Variants in GULP1 observed in about 807,000 individuals in gnomAD.
GULP1 encodes the protein PTB domain-containing engulfment adapter protein 1.
A neutral mutation model predicts 40.9 loss-of-function variants in GULP1; 19 were observed. The observed-to-expected ratio is 0.46, with a 90% confidence interval of 0.32 to 0.68. GULP1 has a LOEUF of 0.68. Ranked by LOEUF, GULP1 falls within the 30% of genes least tolerant of loss-of-function variation. The pLI is 0.03. For synonymous variants in GULP1, 119 were observed against 117.6 expected, an observed-to-expected ratio of 1.01 and a Z score of -0.08; for missense variants, 312 against 362.2, an observed-to-expected ratio of 0.86 and a Z score of 1.12.
rs140444153 is a variant in GULP1 at position 188,437,130 on chromosome 2, T to G, written c.-44-40529T>G. ...TTTCATATTATATGCTAATATCTGTTTACTGATAGGATGAATATCTTGCAG... is the reference window on the plus strand; with the variant it reads ...TTTCATATTATATGCTAATATCTGTGTACTGATAGGATGAATATCTTGCAG... On this transcript the variant is annotated intron_variant, in intron 2 of 11. Transcript: ENST00000409830. 2.3e-3 allele frequency among the ~76,000 whole-genome samples: 343 copies of G among 152,242 alleles called. 1 individual carries two copies. Among genetic ancestry groups the G allele is most frequent in the African/African-American group, 7.8e-3 (323 of 41,570 alleles).
At chr2:188,464,416 C>G (rs1224511160) in intron 2 of GULP1, among the ~76,000 whole-genome samples, 1 of 152,172 alleles carries the variant, frequency 6.6e-6, no homozygotes, top group Non-Finnish European at 1.5e-5. Flanking sequence ...GCACATCACC[C>G]CTGTAGGCAC....
At chr2:188,377,735 G>A (rs1181135378) in intron 1 of GULP1, among the ~76,000 whole-genome samples, 1 of 152,126 alleles carries the variant, frequency 6.6e-6, no homozygotes, top group Non-Finnish European at 1.5e-5. Context: ...AAAAAATTGT[G>A]CAGAAAGCTA....
chr2:188,395,251 G>C (rs1441722880), intron 2 of GULP1, among the ~76,000 whole-genome samples: 2 of 152,166 alleles, frequency 1.3e-5, no homozygotes, highest in African/African-American at 4.8e-5. Flanking sequence ...CAGTATTTTG[G>C]CTATTCAGAT....
chr2:188,483,380 A>G, intron 3 of GULP1, 51 bp from the exon 4 acceptor site: 1 of 852,042 alleles, frequency 1.2e-6, no homozygotes, highest in Non-Finnish European at 2.0e-6. Flanking sequence ...TAATGCGTGA[A>G]TATGACACCA....
intron 1 of GULP1, among the ~76,000 whole-genome samples, chr2:188,338,627 G>A (rs1397328945): frequency 6.6e-6 from 1 of 151,982 alleles, no homozygotes; most frequent in South Asian, 2.1e-4. Flanking sequence ...TTTGATGTCT[G>A]TTTAGTAATA....
chr2:188,399,553 T>C (rs1575004152), intron 2 of GULP1, among the ~76,000 whole-genome samples: 1 of 152,134 alleles, frequency 6.6e-6, no homozygotes, highest in East Asian at 1.9e-4. Context: ...TCATAAGTGT[T>C]ATTTAAAGCC....
intron 2 of GULP1, among the ~76,000 whole-genome samples, chr2:188,387,726 G>T (rs74435944): frequency 2.0e-4 from 31 of 152,226 alleles, no homozygotes; most frequent in African/African-American, 7.2e-4. Flanking sequence ...CAGGAAATTG[G>T]AAAGAGAGAT....
intron 2 of GULP1, among the ~76,000 whole-genome samples, chr2:188,438,484 TAAC>T (rs1265406123): frequency 1.3e-5 from 2 of 150,904 alleles, no homozygotes; most frequent in African/African-American, 2.4e-5. Context: ...TATATTAACA[TAAC>T]AATTATTAAT....
chr2:188,443,290 C>T (rs184493695), intron 2 of GULP1, among the ~76,000 whole-genome samples: 32 of 152,262 alleles, frequency 2.1e-4, no homozygotes, highest in African/African-American at 7.5e-4. Flanking sequence ...TCTAGTTTCA[C>T]ATAAGCCTTG....
intron 3 of GULP1, among the ~76,000 whole-genome samples, chr2:188,479,710 C>T (rs1575512889): frequency 6.6e-6 from 1 of 152,070 alleles, no homozygotes; most frequent in Non-Finnish European, 1.5e-5. Flanking sequence ...TTTCCTATCA[C>T]TTTAAAGTTG....
intron 2 of GULP1, among the ~76,000 whole-genome samples, chr2:188,431,528 G>A (rs1480704311): frequency 6.6e-6 from 1 of 152,110 alleles, no homozygotes; most frequent in Non-Finnish European, 1.5e-5. Flanking sequence ...AAGAGTAATT[G>A]TAAAAGTAAA....
At chr2:188,491,417 G>GT (rs2062379754) in intron 4 of GULP1, 2 of 151,842 alleles carry the variant, frequency 1.3e-5, no homozygotes, top group South Asian at 4.2e-4. Flanking sequence ...TTTTTGTTTT[G>GT]TTTTTGTTTT....
chr2:188,440,884 G>A (rs897704990), intron 2 of GULP1, among the ~76,000 whole-genome samples: 2 of 152,146 alleles, frequency 1.3e-5, no homozygotes, highest in Admixed American at 6.5e-5. Context: ...ATATCAAGAT[G>A]ATGGAATAAA....
intron 1 of GULP1, among the ~76,000 whole-genome samples, chr2:188,347,089 G>A (rs1010388124): frequency 1.8e-4 from 28 of 152,266 alleles, no homozygotes; most frequent in South Asian, 6.2e-4. Flanking sequence ...GGCAGAGGAG[G>A]TATTGCTATT....
chr2:188,430,049 TA>T (rs1357550323), intron 2 of GULP1, among the ~76,000 whole-genome samples: 2 of 152,204 alleles, frequency 1.3e-5, no homozygotes, highest in African/African-American at 4.8e-5. Flanking sequence ...GGTTAATTTT[TA>T]TAATTTTAAT....
rs1704307515 is a variant in GULP1 at position 188,595,635 on chromosome 2, A to T, written c.*1624A>T. The T allele has an allele frequency of 6.6e-6, 1 of 152,110 alleles. No homozygotes were observed. The highest frequency in any genetic ancestry group is 6.6e-5 in the Admixed American group (1 of 15,174). 9.4% of individuals were successfully genotyped at this position (152,110 alleles called of 1,614,324 possible). On this transcript the variant is annotated 3_prime_UTR_variant, in exon 12 of 12. Coordinates refer to ENST00000409830, the MANE Select transcript of GULP1 (RefSeq NM_016315.4). ...TTTAACAGATAGAATTTGTATTTTT[A>T]TTGTACTTTAAAAAGATTTATGTAA...
chr2:188,536,132 C>G (rs1158975714), intron 6 of GULP1, among the ~76,000 whole-genome samples: 2 of 151,936 alleles, frequency 1.3e-5, no homozygotes, highest in Admixed American at 6.6e-5. Context: ...ATATTTTCTC[C>G]CATTCTGTAA....
In GULP1 at chr2:188,450,711, T is replaced by C. The variant is rs529611762; in HGVS notation, c.-44-26948T>C. 3.3e-5 allele frequency among the ~76,000 whole-genome samples: 5 copies of C among 152,286 alleles called. No homozygotes were observed. The South Asian group carries it at 1.0e-3, about 32-fold the overall frequency. On this transcript the variant is annotated intron_variant, in intron 2 of 11. Transcript: ENST00000409830. ...GAATATTAGGACATGACATTTCTTT[T>C]TGAGACAAAGATGTTTCCCGTTTAT...
chr2:188,533,525 T>C (rs1453797376), intron 6 of GULP1, among the ~76,000 whole-genome samples: 2 of 152,062 alleles, frequency 1.3e-5, no homozygotes, highest in African/African-American at 4.8e-5. Context: ...AGTATAAGAA[T>C]CCTGGAAGAA....
Sources: gnomAD v4.1 joint callset for allele counts (sites outside exome capture counted in the v4.1 genomes callset) on GRCh38, gnomAD v4.1.1 for gene constraint, MANE v1.5 for transcripts, NCBI Gene and HGNC (gene_info 2026-07-23, HGNC 2026-07-21) for gene names.